PRKAR2A: variants seen among roughly 807,000 people sequenced by gnomAD.
PRKAR2A encodes protein kinase cAMP-dependent type II regulatory subunit alpha, also known as cAMP-dependent protein kinase type II-alpha regulatory subunit.
Under a neutral mutation model 51.9 loss-of-function variants are expected in PRKAR2A, and 29 were observed. The ratio of observed to expected loss-of-function variants is 0.56; its 90% CI spans 0.42 to 0.76. PRKAR2A has a LOEUF of 0.76. PRKAR2A is among the 30% of genes least tolerant of loss of function. PRKAR2A has a pLI of 0.00. For missense variants in PRKAR2A, 445 were observed against 512.1 expected, an observed-to-expected ratio of 0.87 and a Z score of 1.26; for synonymous variants, 178 against 186.2, an observed-to-expected ratio of 0.96 and a Z score of 0.36.
chr3:48,800,531 TACAC>T (rs534797511), intron 2 of PRKAR2A, among the ~76,000 whole-genome samples: 4 of 148,210 alleles, frequency 2.7e-5, no homozygotes, highest in African/African-American at 7.4e-5. Flanking sequence ...AAAAACTATA[TACAC>T]ACACACACAC....
intron 5 of PRKAR2A, among the ~76,000 whole-genome samples, chr3:48,773,408 A>G (rs1182366333): frequency 2.3e-5 from 3 of 128,328 alleles, no homozygotes; most frequent in Non-Finnish European, 4.6e-5. Flanking sequence ...CAGGGGCGGT[A>G]TCTCAGCTCA....
rs2082913780 is a variant in PRKAR2A at position 48,818,840 on chromosome 3, C to T, written c.263-11156G>A. Among the ~76,000 whole-genome samples the T allele has an allele frequency of 2.0e-5, 3 of 152,272 alleles. No homozygotes were observed. The South Asian group carries it at 6.2e-4, about 32-fold the overall frequency. ...TTACCACAAATGACCCGAGGGCAGA[C>T]TTAATGACCCTATGTATAGAAGTAC... On this transcript the variant is annotated intron_variant, in intron 1 of 10. Transcript: ENST00000265563.
At chr3:48,796,563 T>G (rs1423189092) in intron 2 of PRKAR2A, among the ~76,000 whole-genome samples, 1 of 152,082 alleles carries the variant, frequency 6.6e-6, no homozygotes, top group African/African-American at 2.4e-5. Context: ...GGTGTAATCT[T>G]GGCTCACTGC....
intron 6 of PRKAR2A, among the ~76,000 whole-genome samples, chr3:48,766,574 A>T (rs969482404): frequency 5.3e-5 from 8 of 152,140 alleles, no homozygotes; most frequent in Non-Finnish European, 1.2e-4. Flanking sequence ...TCTCAAAAAA[A>T]AATAAAATAA....
At chr3:48,824,099 G>C (rs1012686632) in intron 1 of PRKAR2A, among the ~76,000 whole-genome samples, 1 of 152,130 alleles carries the variant, frequency 6.6e-6, no homozygotes, top group African/African-American at 2.4e-5. Flanking sequence ...AAATTAGCCA[G>C]GCGTGGTGGC....
At chr3:48,775,059 A>G (rs1049628243) in intron 5 of PRKAR2A, among the ~76,000 whole-genome samples, 1 of 152,182 alleles carries the variant, frequency 6.6e-6, no homozygotes, top group African/African-American at 2.4e-5. Flanking sequence ...TTCATCACAA[A>G]AAGATGTTGA....
chr3:48,830,132 A>G (rs973963625), intron 1 of PRKAR2A, among the ~76,000 whole-genome samples: 18 of 151,340 alleles, frequency 1.2e-4, no homozygotes, highest in African/African-American at 4.4e-4. Flanking sequence ...GAACCTGGGA[A>G]GCGGAGGTTG....
chr3:48,747,923 C>G lies in PRKAR2A; in HGVS notation c.*3662G>C, dbSNP rs1045362821. 3 of 152,232 alleles carry G rather than the reference C, an allele frequency of 2.0e-5. No individual in the cohort carries two copies. Among genetic ancestry groups the G allele is most frequent in the African/African-American group, 7.2e-5 (3 of 41,442 alleles). The allele number at this position is 152,232 out of a possible 1,614,324, so 9.4% of individuals were successfully genotyped here. A position where few individuals can be genotyped will look rare whatever the true frequency, so the allele number is the denominator to read the frequency against. On this transcript the variant is annotated 3_prime_UTR_variant, in exon 11 of 11. Transcript: ENST00000265563. ...CAGCCCTGAGTTGAACTTGGCATGC[C>G]ACCTTTGATTCCCCATGCTGCAAAA... is the stretch of plus-strand genomic sequence containing the variant.
At chr3:48,839,067 C>A (rs2083334488) in intron 1 of PRKAR2A, among the ~76,000 whole-genome samples, 1 of 152,042 alleles carries the variant, frequency 6.6e-6, no homozygotes, top group Non-Finnish European at 1.5e-5. Flanking sequence ...GCAGACAGAT[C>A]ACCTGAGGTC....
At chr3:48,781,224 G>A (rs1050162847) in intron 5 of PRKAR2A, among the ~76,000 whole-genome samples, 1 of 149,080 alleles carries the variant, frequency 6.7e-6, no homozygotes, top group Admixed American at 6.8e-5. Flanking sequence ...GACCTCAAGT[G>A]ATCCACCCAC....
chr3:48,829,673 C>T (rs1336705227), intron 1 of PRKAR2A, among the ~76,000 whole-genome samples: 2 of 136,702 alleles, frequency 1.5e-5, no homozygotes, highest in African/African-American at 5.4e-5. Flanking sequence ...TATACACACA[C>T]ATAAATGTGT....
intron 1 of PRKAR2A, among the ~76,000 whole-genome samples, chr3:48,818,937 T>C (rs1482184139): frequency 6.6e-6 from 1 of 152,106 alleles, no homozygotes; most frequent in African/African-American, 2.4e-5. Flanking sequence ...AAATTATCTA[T>C]CTTTAAAATA....
chr3:48,770,812 A>T (rs2082018813), intron 6 of PRKAR2A, among the ~76,000 whole-genome samples: 1 of 152,180 alleles, frequency 6.6e-6, no homozygotes, highest in South Asian at 2.1e-4. Context: ...GCACTAAGGG[A>T]GTCACTTCTC....
chr3:48,798,704 A>G (rs1051938181), intron 2 of PRKAR2A, among the ~76,000 whole-genome samples: 1 of 146,506 alleles, frequency 6.8e-6, no homozygotes, highest in African/African-American at 2.6e-5. Context: ...TCCGTCACCC[A>G]TGCTGGTATG....
In PRKAR2A at chr3:48,789,804, A is replaced by C. The variant is rs575508889; in HGVS notation, c.435+740T>G. Among the ~76,000 whole-genome samples, 4 of 151,602 alleles carry C rather than the reference A, an allele frequency of 2.6e-5. No individual in the cohort carries two copies. The East Asian group carries it at 7.8e-4, about 29-fold the overall frequency. ...TTCATTCTTACCATAGATTTTTGCA[A>C]CCTCAGCATACAATTTCTTTCTCCC... On this transcript the variant is annotated intron_variant, in intron 4 of 10. Coordinates refer to ENST00000265563, the MANE Select transcript of PRKAR2A (RefSeq NM_004157.4).
chr3:48,840,879 CTTTT>C (rs998914309), intron 1 of PRKAR2A, among the ~76,000 whole-genome samples: 12 of 100,734 alleles, frequency 1.2e-4, no homozygotes, highest in African/African-American at 3.0e-4. Context: ...CCTGGCCCAC[CTTTT>C]TTTTTTTTTT....
chr3:48,754,047 G>A (rs553939809), intron 9 of PRKAR2A, among the ~76,000 whole-genome samples: 42 of 150,564 alleles, frequency 2.8e-4, no homozygotes, highest in Admixed American at 1.2e-3. Context: ...ACAGGTGCCC[G>A]CAACCACACC....
chr3:48,752,031 T>A (rs2081656336), intron 10 of PRKAR2A, 145 bp downstream of exon 10: 1 of 913,834 alleles, frequency 1.1e-6, no homozygotes, highest in Admixed American at 2.9e-5. Flanking sequence ...GCTGAAAGCA[T>A]CCATTCATCC....
chr3:48,790,527 T>C lies in PRKAR2A; in HGVS notation c.435+17A>G. On this transcript the variant is annotated intron_variant, in intron 4 of 10. Coordinates refer to ENST00000265563, the MANE Select transcript of PRKAR2A (RefSeq NM_004157.4). The stretch of plus-strand genomic sequence containing the variant: ...AAAAGATCATTATAATAAAAATACT[T>C]TAGAAATCAATGTTACCTGATCAAG... 6.6e-7 allele frequency: 1 copy of C among 1,504,638 alleles called. No homozygotes were observed. The highest frequency in any genetic ancestry group is 8.9e-7 in the Non-Finnish European group (1 of 1,122,276). 93.2% of individuals were successfully genotyped at this position (1,504,638 alleles called of 1,614,324 possible).
Sources: gnomAD v4.1 joint callset for allele counts (sites outside exome capture counted in the v4.1 genomes callset) on GRCh38, gnomAD v4.1.1 for gene constraint, MANE v1.5 for transcripts, NCBI Gene and HGNC (gene_info 2026-07-23, HGNC 2026-07-21) for gene names.